BRD3: variants seen among roughly 807,000 people sequenced by gnomAD.
The protein encoded by BRD3 is bromodomain containing 3, also known as bromodomain-containing protein 3.
BRD3 carries 17 observed loss-of-function variants against 66.8 expected under a neutral mutation model. The observed-to-expected ratio is 0.25, with a 90% CI of 0.17 to 0.38. BRD3 has a LOEUF of 0.38. BRD3 is among the 10% of genes least tolerant of loss of function. The probability of loss-of-function intolerance (pLI) is 1.00; values close to 1 mark genes in which losing one functional copy is unlikely to be tolerated. For synonymous variants in BRD3, 421 were observed against 393.2 expected (o/e 1.07, Z -0.84); for missense variants, 713 against 956.1 (o/e 0.75, Z 3.35).
At chr9:134,057,066 G>A (rs371431012) in intron 1 of BRD3, 5 of 152,334 alleles carry the variant, frequency 3.3e-5, no homozygotes, top group African/African-American at 1.2e-4. Flanking sequence ...ACCTCCCCTA[G>A]GGCGACGGAA....
intron 9 of BRD3, among the ~76,000 whole-genome samples, chr9:134,039,188 C>T (rs1019555455): frequency 5.3e-5 from 8 of 152,234 alleles, no homozygotes; most frequent in Admixed American, 6.5e-5. Context: ...ATCCTTTCTT[C>T]CATTCCTGAT....
In BRD3 at chr9:134,040,165, C is replaced by T. The variant is rs978797872; in HGVS notation, c.1512G>A (p.Lys504=). 15 of 1,563,262 alleles carry T rather than the reference C, an allele frequency of 9.6e-6. No individual in the cohort carries two copies. Among genetic ancestry groups the T allele is most frequent in the Non-Finnish European group, 1.3e-5 (15 of 1,154,118 alleles). ...CTTTGTGCTTCTCCTTCTCCTTCTC[C>T]TTGTCCTTCTTCTTCTTCTCCTTCT... ...KKEKEKKKKD[K]EKEKEKHKVK... The change falls in exon 9 of 12, where the codon AAG becomes AAA. Residue 504 remains lysine, a synonymous_variant. Transcript: ENST00000303407.
Position 134,055,225 on chromosome 9 carries a change from C to G in BRD3, c.-113-1635G>C, listed in dbSNP as rs184291588. The stretch of plus-strand genomic sequence containing the variant: ...TGCCCCGCAAGGACCGCCTAGCCCG[C>G]ACCGCAGGGTGATCCTGTTAAAACC... On this transcript the variant is annotated intron_variant, in intron 1 of 11. Transcript: ENST00000303407. 4.4e-3 allele frequency among the ~76,000 whole-genome samples: 672 copies of G among 152,358 alleles called. 5 individuals carry two copies. The highest frequency in any genetic ancestry group is 0.016 in the African/African-American group (645 of 41,580).
chr9:134,036,605 A>G, intron 9 of BRD3: 1 of 1,599,330 alleles, frequency 6.3e-7, no homozygotes, highest in Non-Finnish European at 8.6e-7. Flanking sequence ...TATTCAGGTA[A>G]TCCAAAAGAA....
At chr9:134,036,658 AAG>A in intron 9 of BRD3, 4 of 1,224,732 alleles carry the variant, frequency 3.3e-6, no homozygotes, top group Non-Finnish European at 4.8e-6. Flanking sequence ...ACAGAGGAAA[AAG>A]AAAATAATAA....
chr9:134,034,663 C>A (rs199544102), intron 11 of BRD3, 38 bp downstream of exon 11: 32 of 1,599,138 alleles, frequency 2.0e-5, no homozygotes, highest in African/African-American at 2.7e-5. Flanking sequence ...ACCCCCCACC[C>A]CCCTAAAGAG....
At chr9:134,046,778 GGACA>G (rs1830179848) in intron 6 of BRD3, among the ~76,000 whole-genome samples, 2 of 152,312 alleles carry the variant, frequency 1.3e-5, no homozygotes, top group East Asian at 3.9e-4. Flanking sequence ...TGCCATGCCA[GGACA>G]GATAGAGGTG....
At chr9:134,048,057 G>C (rs556251076) in intron 6 of BRD3, 26 bp downstream of exon 6, 2 of 1,540,806 alleles carry the variant, frequency 1.3e-6, no homozygotes, top group East Asian at 4.5e-5. Flanking sequence ...CATGGGCAGA[G>C]CAGGGCCTGC....
At chr9:134,041,555 G>A (rs1001081373) in intron 8 of BRD3, among the ~76,000 whole-genome samples, 17 of 152,302 alleles carry the variant, frequency 1.1e-4, no homozygotes, top group African/African-American at 3.8e-4. Context: ...ACGTGTCCCC[G>A]CAGCCACCCA....
At chr9:134,060,320 T>C (rs1830510226) in intron 1 of BRD3, among the ~76,000 whole-genome samples, 1 of 152,170 alleles carries the variant, frequency 6.6e-6, no homozygotes, top group South Asian at 2.1e-4. Flanking sequence ...ACCCAGGCCA[T>C]GCGCAGTGAC....
chr9:134,066,675 G>C (rs966103824), intron 1 of BRD3, among the ~76,000 whole-genome samples: 6 of 152,210 alleles, frequency 3.9e-5, no homozygotes, highest in African/African-American at 1.4e-4. Flanking sequence ...GGGTAGGGCG[G>C]GGGAGGACGG....
Position 134,032,842 on chromosome 9 carries a change from T to A in BRD3, c.*748A>T. The stretch of plus-strand genomic sequence containing the variant: ...CCGAACCTTACAAAAAAAGTCTCCT[T>A]TTTTTTTTTTTTTAAATCTTTTCTT... On this transcript the variant is annotated 3_prime_UTR_variant, in exon 12 of 12. Transcript: ENST00000303407. The A allele has an allele frequency of 4.7e-6, 1 of 214,330 alleles. No individual in the cohort carries two copies. 13.3% of individuals were successfully genotyped at this position (214,330 alleles called of 1,614,324 possible).
At chr9:134,068,485 A>T (rs1201561348), upstream of BRD3, 1 of 149,316 alleles carries the variant, frequency 6.7e-6, no homozygotes, top group Non-Finnish European at 1.5e-5. Flanking sequence ...GGCGGCGCGC[A>T]CCTGCCGGGA....
rs771957003 is a variant in BRD3, at chr9:134,040,151, T to C, written c.1526A>G (p.Glu509Gly). The change falls in exon 9 of 12, where the codon GAG becomes GGG. Residue 509 changes from glutamate to glycine, a missense_variant. By Grantham distance (98) the Glu-to-Gly change is moderately conservative. Around this residue, in one of 5 missense-constraint regions of BRD3, gnomAD observed 418 missense variants for 609.3 expected, o/e 0.69. Transcript: ENST00000303407. ...TTCCTCGGCCTTCACTTTGTGCTTC[T>C]CCTTCTCCTTCTCCTTGTCCTTCTT... Reference protein sequence around the residue: ...KKKKDKEKEKEKHKVKAEEEK... With the variant: ...KKKKDKEKEKGKHKVKAEEEK... 2 of 1,558,876 alleles carry C rather than the reference T, an allele frequency of 1.3e-6. No homozygotes were observed. The highest frequency in any genetic ancestry group is 1.7e-6 in the Non-Finnish European group (2 of 1,151,338).
chr9:134,051,878 T>TGTGTGTA lies in BRD3; in HGVS notation c.352-170_352-169insTACACAC, dbSNP rs372701647. On this transcript the variant is annotated intron_variant, in intron 3 of 11. Transcript: ENST00000303407. The stretch of plus-strand genomic sequence containing the variant: ...GTGTGTGTGTGTGTGTGTGTGTGTG[T>TGTGTGTA]TGTTTTTTTTGTTTTTTTTTTTTTT... Among the ~76,000 whole-genome samples, 2 of 116,314 alleles carry TGTGTGTA rather than the reference T, an allele frequency of 1.7e-5. 1 individual carries two copies. Among genetic ancestry groups the TGTGTGTA allele is most frequent in the African/African-American group, 7.5e-5 (2 of 26,814 alleles). 76.3% of individuals were successfully genotyped at this position (116,314 alleles called of 152,430 possible).
chr9:134,068,285 C>T (rs1479746645), upstream of BRD3: 1 of 148,218 alleles, frequency 6.7e-6, no homozygotes, highest in Non-Finnish European at 1.5e-5. Flanking sequence ...CGCTGGGACC[C>T]CGTGGGCCGT....
Position 134,032,840 on chromosome 9 carries a change from C to CTTT in BRD3, c.*747_*749dup, listed in dbSNP as rs573215664. 109 of 214,700 alleles carry CTTT rather than the reference C, an allele frequency of 5.1e-4. No homozygotes were observed. The highest frequency in any genetic ancestry group is 6.4e-4 in the Non-Finnish European group (74 of 116,450). 13.3% of individuals were successfully genotyped at this position (214,700 alleles called of 1,614,324 possible). A position where few individuals can be genotyped will look rare whatever the true frequency, so the allele number is the denominator to read the frequency against. ...TGCCGAACCTTACAAAAAAAGTCTC[C>CTTT]TTTTTTTTTTTTTTTAAATCTTTTC... On this transcript the variant is annotated 3_prime_UTR_variant, in exon 12 of 12. Coordinates refer to ENST00000303407, the MANE Select transcript of BRD3 (RefSeq NM_007371.4).
At chr9:134,043,547 T>A (rs963839379) in intron 7 of BRD3, among the ~76,000 whole-genome samples, 1 of 152,170 alleles carries the variant, frequency 6.6e-6, no homozygotes, top group Non-Finnish European at 1.5e-5. Flanking sequence ...TCAGGAGATG[T>A]CCCCAGAGGC....
At chr9:134,037,951 C>T (rs1245636326) in intron 9 of BRD3, among the ~76,000 whole-genome samples, 2 of 152,174 alleles carry the variant, frequency 1.3e-5, no homozygotes, top group African/African-American at 4.8e-5. Context: ...GCATAAACCT[C>T]TAAAACTCAC....
Sources: gnomAD v4.1 joint callset for allele counts (sites outside exome capture counted in the v4.1 genomes callset) on GRCh38, gnomAD v4.1.1 for gene constraint, gnomAD v4.1.1 regional missense constraint, MANE v1.5 for transcripts, NCBI Gene and HGNC (gene_info 2026-07-23, HGNC 2026-07-21) for gene names.